The following TJP1 variants were observed in gnomAD, a reference collection of about 807,000 sequenced individuals.
The protein encoded by TJP1 is tight junction protein 1.
A neutral mutation model predicts 194.2 loss-of-function variants in TJP1; 43 were observed. That is an observed-to-expected ratio of 0.22 (90% confidence interval 0.17 to 0.29). TJP1 has a LOEUF of 0.29. Ranked by LOEUF, TJP1 falls within the 10% of genes least tolerant of loss-of-function variation. TJP1 has a pLI of 1.00. For synonymous variants in TJP1, 801 were observed against 779.0 expected, an observed-to-expected ratio of 1.03 and a Z score of -0.47; for missense variants, 1,971 against 2,185.7, an observed-to-expected ratio of 0.90 and a Z score of 1.96.
intron 2 of TJP1, among the ~76,000 whole-genome samples, chr15:29,881,900 C>G (rs182996851): frequency 6.6e-6 from 1 of 151,598 alleles, no homozygotes; most frequent in East Asian, 1.9e-4. Context: ...TGTTTATTTG[C>G]AAAGAGTCTG....
chr15:29,719,021 G>C lies in TJP1; in HGVS notation c.3121C>G (p.Pro1041Ala), dbSNP rs150421959. ...TGTTTCTCTACGTATGGGAGTTGGG[G>C]TTCATAGGTCAGATTAGGCTCTTTG... ...PDKEPNLTYE[P>A]QLPYVEKQAS... is the part of the protein sequence containing the mutation. Residue 1041 changes from proline (P) to alanine (A), a missense_variant, in exon 21 of 28, where the codon CCC (proline) becomes GCC (alanine). By Grantham distance (27) the Pro-to-Ala change is conservative (BLOSUM62 -1). Around this residue, in one of 5 missense-constraint regions of TJP1, gnomAD observed 1,108 missense variants for 1,128.5 expected, o/e 0.98. Transcript: ENST00000614355. 6.2e-7 allele frequency: 1 copy of C among 1,614,164 alleles called. No individual in the cohort carries two copies. The highest frequency in any genetic ancestry group is 1.7e-5 in the Admixed American group (1 of 60,016).
chr15:29,815,051 T>C (rs1378648442), intron 1 of TJP1, among the ~76,000 whole-genome samples: 1 of 152,172 alleles, frequency 6.6e-6, no homozygotes, highest in Admixed American at 6.5e-5. Flanking sequence ...TTTTCATCCA[T>C]GCTTAGGATA....
chr15:29,715,457 T>C (rs2042505454), intron 23 of TJP1, among the ~76,000 whole-genome samples: 1 of 152,186 alleles, frequency 6.6e-6, no homozygotes, highest in South Asian at 2.1e-4. Context: ...GTAATTAAAA[T>C]TAGGTTTTAA....
chr15:29,714,857 G>A (rs1157912913), intron 23 of TJP1, among the ~76,000 whole-genome samples: 2 of 152,078 alleles, frequency 1.3e-5, no homozygotes, highest in African/African-American at 2.4e-5. Flanking sequence ...TCTTTTTAAG[G>A]TTGTATTCTA....
chr15:29,709,406 C>T (rs1348262878), intron 24 of TJP1, among the ~76,000 whole-genome samples: 1 of 151,772 alleles, frequency 6.6e-6, no homozygotes, highest in Non-Finnish European at 1.5e-5. Context: ...TATTTCACAC[C>T]CACTAGAATG....
intron 2 of TJP1, among the ~76,000 whole-genome samples, chr15:29,921,763 G>GA (rs1332469038): frequency 6.6e-6 from 1 of 152,056 alleles, no homozygotes; most frequent in Non-Finnish European, 1.5e-5. Flanking sequence ...ATGGTATAAT[G>GA]AACCCACATA....
chr15:29,790,463 T>C (rs564655129), intron 2 of TJP1, among the ~76,000 whole-genome samples: 2 of 152,296 alleles, frequency 1.3e-5, no homozygotes, highest in South Asian at 2.1e-4. Context: ...TACATTTTGA[T>C]ACAAGTATAA....
At chr15:29,957,137 A>G (rs1382173489) in intron 1 of TJP1, among the ~76,000 whole-genome samples, 3 of 152,228 alleles carry the variant, frequency 2.0e-5, no homozygotes, top group African/African-American at 7.2e-5. Flanking sequence ...ATGATAGCAC[A>G]CACTTAATTC....
chr15:29,890,860 A>C (rs1190768194), intron 2 of TJP1, among the ~76,000 whole-genome samples: 1 of 152,144 alleles, frequency 6.6e-6, no homozygotes, highest in Non-Finnish European at 1.5e-5. Flanking sequence ...GCTATAAATA[A>C]GAGACTCTGC....
Position 29,896,157 on chromosome 15 carries a change from C to T in TJP1, c.306+60075G>A, listed in dbSNP as rs115514122. ...GATATGGTTTGGCTGTGTTCTCACC[C>T]GATTCTCATCTTGAATTGTAACTCC... is the stretch of plus-strand genomic sequence containing the variant. On this transcript the variant is annotated intron_variant, in intron 2 of 28. Coordinates refer to the TJP1 transcript ENST00000356107. Among the ~76,000 whole-genome samples the T allele has an allele frequency of 2.5e-3, 373 of 152,240 alleles. 2 individuals are homozygous for T. Among genetic ancestry groups the T allele is most frequent in the African/African-American group, 8.7e-3 (360 of 41,540 alleles).
intron 8 of TJP1, among the ~76,000 whole-genome samples, chr15:29,745,201 A>C (rs2044684039): frequency 6.6e-6 from 1 of 151,948 alleles, no homozygotes; most frequent in Admixed American, 6.6e-5. Context: ...ATTTACACCA[A>C]ACTCAGTAAC....
intron 6 of TJP1, among the ~76,000 whole-genome samples, 167 bp from the exon 7 acceptor site, chr15:29,761,936 A>C (rs912310451): frequency 1.3e-5 from 2 of 152,182 alleles, no homozygotes; most frequent in African/African-American, 4.8e-5. Flanking sequence ...GAGATGATAA[A>C]ATCTTTACTG....
chr15:29,956,956 A>T (rs11638069), intron 1 of TJP1, among the ~76,000 whole-genome samples: 1 of 152,178 alleles, frequency 6.6e-6, no homozygotes, highest in Admixed American at 6.5e-5. Context: ...CATTAATATT[A>T]GACTGAAGTT....
chr15:29,840,102 T>C (rs77350968), intron 2 of TJP1, among the ~76,000 whole-genome samples: 4,747 of 152,328 alleles, frequency 0.031, 106 homozygotes, highest in African/African-American at 0.063. Context: ...TTTTTTAAAC[T>C]ATTGAGTTTT....
chr15:29,917,399 G>A (rs1874166296), intron 2 of TJP1, among the ~76,000 whole-genome samples: 1 of 152,192 alleles, frequency 6.6e-6, no homozygotes, highest in Admixed American at 6.5e-5. Context: ...GATAGTACAT[G>A]TGTATTACCT....
intron 2 of TJP1, among the ~76,000 whole-genome samples, chr15:29,781,307 C>T (rs984533485): frequency 9.2e-5 from 14 of 152,004 alleles, no homozygotes; most frequent in African/African-American, 2.2e-4. Context: ...CAGTAACAAA[C>T]GCCGAAAGTG....
chr15:29,748,922 A>ATGTGTGTGTG (rs112772922), intron 8 of TJP1, among the ~76,000 whole-genome samples: 158 of 104,636 alleles, frequency 1.5e-3, no homozygotes, highest in African/African-American at 3.3e-3. Flanking sequence ...AAGCTTAAAA[A>ATGTGTGTGTG]TGTGTGTGTG....
rs147285364 is a variant in TJP1, at chr15:29,701,295, G to C, written c.*300C>G. 3.6e-6 allele frequency: 1 copy of C among 275,764 alleles called. No individual in the cohort carries two copies. The highest frequency in any genetic ancestry group is 2.1e-5 in the African/African-American group (1 of 46,798). 17.1% of individuals were successfully genotyped at this position (275,764 alleles called of 1,614,324 possible). A position where few individuals can be genotyped will look rare whatever the true frequency, so the allele number is the denominator to read the frequency against. ...CCCATTTACTGGCTGGTATTTTAAC[G>C]GAAATCAATATGTGAAGTTAAGCAG... On this transcript the variant is annotated 3_prime_UTR_variant, in exon 28 of 28. Coordinates refer to ENST00000614355, the MANE Select transcript of TJP1 (RefSeq NM_001330239.4).
At chr15:29,749,071 TG>T (rs2045053088) in intron 8 of TJP1, among the ~76,000 whole-genome samples, 1 of 152,076 alleles carries the variant, frequency 6.6e-6, no homozygotes, top group Non-Finnish European at 1.5e-5. Context: ...AAGGAAACTT[TG>T]GGCATTTTAA....
Sources: gnomAD v4.1 joint callset for allele counts (sites outside exome capture counted in the v4.1 genomes callset) on GRCh38, gnomAD v4.1.1 for gene constraint, gnomAD v4.1.1 regional missense constraint, MANE v1.5 for transcripts, NCBI Gene and HGNC (gene_info 2026-07-23, HGNC 2026-07-21) for gene names.